Variants in DPP10 observed in about 807,000 individuals in gnomAD.
DPP10 encodes dipeptidyl peptidase like 10.
Under a neutral mutation model 120.9 loss-of-function variants are expected in DPP10, and 33 were observed. The ratio of observed to expected loss-of-function variants is 0.27; its 90% CI spans 0.21 to 0.37. The LOEUF (loss-of-function observed/expected upper bound fraction) is 0.37. DPP10 is among the 10% of genes least tolerant of loss of function. DPP10 has a pLI of 1.00. For synonymous variants in DPP10, 337 were observed against 326.1 expected (o/e 1.03, Z -0.36); for missense variants, 816 against 942.8 (o/e 0.87, Z 1.76).
chr2:114,617,633 T>G (rs1010101600), intron 1 of DPP10, among the ~76,000 whole-genome samples: 3 of 152,096 alleles, frequency 2.0e-5, no homozygotes, highest in African/African-American at 7.2e-5. Context: ...ATTATTTCAC[T>G]CATTTAAAGG....
At chr2:115,309,047 G>C (rs760652846) in intron 1 of DPP10, among the ~76,000 whole-genome samples, 192 bp from the exon 2 acceptor site, 16 of 152,052 alleles carry the variant, frequency 1.1e-4, no homozygotes, top group Non-Finnish European at 1.8e-4. Context: ...CTCACAGAGA[G>C]AGCAGATTGT....
At chr2:115,729,700 G>C (rs189032439) in intron 8 of DPP10, among the ~76,000 whole-genome samples, 1 of 152,136 alleles carries the variant, frequency 6.6e-6, no homozygotes. Context: ...GCTTGAGCTC[G>C]GGAGTTGAAG....
intron 1 of DPP10, among the ~76,000 whole-genome samples, chr2:114,687,006 T>A (rs1699415394): frequency 6.6e-6 from 1 of 151,972 alleles, no homozygotes; most frequent in South Asian, 2.1e-4. Flanking sequence ...AATCTATATG[T>A]TTAACCACAT....
chr2:115,382,855 A>G (rs1479203937), intron 3 of DPP10, among the ~76,000 whole-genome samples: 1 of 152,184 alleles, frequency 6.6e-6, no homozygotes, highest in Non-Finnish European at 1.5e-5. Flanking sequence ...CTGAGGATGG[A>G]TATTTGTGAA....
At chr2:115,191,097 A>G (rs1215358925) in intron 1 of DPP10, among the ~76,000 whole-genome samples, 2 of 152,164 alleles carry the variant, frequency 1.3e-5, no homozygotes, top group Admixed American at 6.5e-5. Context: ...TGGCTTAACG[A>G]AGGGGAAGAA....
intron 1 of DPP10, among the ~76,000 whole-genome samples, chr2:114,870,566 A>ATACTTTCTAATCAAAT (rs1690614636): frequency 7.2e-6 from 1 of 138,392 alleles, no homozygotes; most frequent in Admixed American, 7.5e-5. Flanking sequence ...TCTTGGCTGA[A>ATACTTTCTAATCAAAT]GGACACATAT....
intron 1 of DPP10, among the ~76,000 whole-genome samples, chr2:114,720,832 C>A (rs1701658470): frequency 6.6e-6 from 1 of 152,172 alleles, no homozygotes; most frequent in African/African-American, 2.4e-5. Context: ...TTTTGAGCTG[C>A]AGCTATAACT....
At chr2:115,450,455 A>G (rs578085740) in intron 3 of DPP10, among the ~76,000 whole-genome samples, 3 of 152,112 alleles carry the variant, frequency 2.0e-5, no homozygotes, top group Admixed American at 1.3e-4. Flanking sequence ...TAAAGCCCTC[A>G]ACTGAGATTT....
At chr2:115,098,427 C>T (rs1254803808) in intron 1 of DPP10, among the ~76,000 whole-genome samples, 2 of 152,112 alleles carry the variant, frequency 1.3e-5, no homozygotes, top group Non-Finnish European at 2.9e-5. Context: ...ATAGAGCATA[C>T]TTACGGAAAC....
At chr2:114,653,027 A>AGAGAGT (rs1553476958) in intron 1 of DPP10, among the ~76,000 whole-genome samples, 17 of 135,852 alleles carry the variant, frequency 1.3e-4, no homozygotes, top group African/African-American at 5.2e-4. Flanking sequence ...AGAGAGAGAG[A>AGAGAGT]GTGTGTGTGT....
chr2:115,459,938 T>TATATATATATATATACAC (rs66927327), intron 3 of DPP10, among the ~76,000 whole-genome samples: 5,768 of 128,176 alleles, frequency 0.045, 173 homozygotes, highest in South Asian at 0.075. Context: ...TATATATATA[T>TATATATATATATATACAC]ACACACACAC....
At chr2:115,447,055 G>A (rs2072667329) in intron 3 of DPP10, among the ~76,000 whole-genome samples, 1 of 152,164 alleles carries the variant, frequency 6.6e-6, no homozygotes, top group African/African-American at 2.4e-5. Flanking sequence ...ACAGACGCGG[G>A]GGTGGAACAC....
intron 1 of DPP10, among the ~76,000 whole-genome samples, chr2:115,094,375 A>G (rs547789235): frequency 1.3e-5 from 2 of 152,276 alleles, no homozygotes; most frequent in South Asian, 2.1e-4. Context: ...GGACTGAGGT[A>G]TATATTTTAG....
chr2:115,386,791 C>A (rs754462274), intron 3 of DPP10, among the ~76,000 whole-genome samples: 10 of 151,560 alleles, frequency 6.6e-5, no homozygotes, highest in Non-Finnish European at 1.0e-4. Context: ...ATCCTTATGC[C>A]AAAGTGGCAT....
At chr2:115,004,851 T>A (rs1475839161) in intron 1 of DPP10, among the ~76,000 whole-genome samples, 1 of 152,070 alleles carries the variant, frequency 6.6e-6, no homozygotes, top group Admixed American at 6.6e-5. Context: ...AAGCTTGAAC[T>A]GGGTGGAGCC....
chr2:115,449,431 CAA>C (rs773774689), intron 3 of DPP10, among the ~76,000 whole-genome samples: 2 of 152,028 alleles, frequency 1.3e-5, no homozygotes, highest in African/African-American at 4.8e-5. Context: ...ATTCTATTAA[CAA>C]GAGAGTGGGG....
chr2:114,800,157 T>C (rs1684072996), intron 1 of DPP10, among the ~76,000 whole-genome samples: 1 of 152,158 alleles, frequency 6.6e-6, no homozygotes, highest in South Asian at 2.1e-4. Flanking sequence ...AATGGAATTA[T>C]TGAAACAAGG....
intron 1 of DPP10, among the ~76,000 whole-genome samples, chr2:114,748,434 G>T: frequency 7.6e-6 from 1 of 131,474 alleles, no homozygotes; most frequent in African/African-American, 2.8e-5. Context: ...TTAAGTTTTA[G>T]GGTACATGTG....
At chr2:114,462,338 A>G (rs1678995534) in intron 1 of DPP10, among the ~76,000 whole-genome samples, 1 of 152,072 alleles carries the variant, frequency 6.6e-6, no homozygotes, top group Admixed American at 6.6e-5. Context: ...ATTTAACTTT[A>G]TTACTTTTCC....
Sources: gnomAD v4.1 joint callset for allele counts (sites outside exome capture counted in the v4.1 genomes callset) on GRCh38, gnomAD v4.1.1 for gene constraint, MANE v1.5 for transcripts, NCBI Gene and HGNC (gene_info 2026-07-23, HGNC 2026-07-21) for gene names.